The following IL1RAPL1 variants were observed in gnomAD, a reference collection of about 807,000 sequenced individuals.
IL1RAPL1 encodes the protein interleukin-1 receptor accessory protein-like 1.
IL1RAPL1 carries 3 observed loss-of-function variants against 48.4 expected under a neutral mutation model. That is an observed-to-expected ratio of 0.06 (90% confidence interval 0.03 to 0.16). The LOEUF is 0.16. IL1RAPL1 is among the 10% of genes least tolerant of loss of function. IL1RAPL1 has a pLI of 1.00. For synonymous variants in IL1RAPL1, 185 were observed against 187.7 expected (o/e 0.99, Z 0.12); for missense variants, 349 against 530.6 (o/e 0.66, Z 3.36).
At chrX:29,086,187 A>G (rs1209420785) in intron 2 of IL1RAPL1, among the ~76,000 whole-genome samples, 1 of 112,614 alleles carries the variant, frequency 8.9e-6, no homozygotes, top group African/African-American at 3.2e-5. Context: ...ATCAAAGTCT[A>G]GCAACCTATT....
chrX:29,039,651 C>T (rs944134714), intron 2 of IL1RAPL1, among the ~76,000 whole-genome samples: 4 of 109,974 alleles, frequency 3.6e-5, no homozygotes, highest in African/African-American at 3.3e-5. Flanking sequence ...GGAAATCGCC[C>T]ACTCTATCAC....
chrX:29,351,651 G>GTT lies in IL1RAPL1; in HGVS notation c.363-44602_363-44601dup, dbSNP rs200188810. ...GAATGTACATGGTAAGCCTTCTAAT[G>GTT]TTTTTTGTAAGAATGGATTTTGATT... is the stretch of plus-strand genomic sequence containing the variant. On this transcript the variant is annotated intron_variant, in intron 3 of 10. Coordinates refer to ENST00000378993, the MANE Select transcript of IL1RAPL1 (RefSeq NM_014271.4). Among the ~76,000 whole-genome samples, 506 of 112,295 alleles carry GTT rather than the reference G, an allele frequency of 4.5e-3. 3 individuals carry two copies. The highest frequency in any genetic ancestry group is 0.016 in the African/African-American group (487 of 30,947).
At chrX:28,661,749 A>G (rs962518925) in intron 1 of IL1RAPL1, among the ~76,000 whole-genome samples, 1 of 111,950 alleles carries the variant, frequency 8.9e-6, no homozygotes, top group African/African-American at 3.2e-5. Flanking sequence ...CCAGTGGACA[A>G]ATTAGAATAA....
intron 2 of IL1RAPL1, among the ~76,000 whole-genome samples, chrX:28,847,459 A>G (rs756678871): frequency 9.0e-6 from 1 of 111,383 alleles, no homozygotes; most frequent in Non-Finnish European, 1.9e-5. Flanking sequence ...TCTACTTATA[A>G]TGGTCTTTTA....
intron 1 of IL1RAPL1, among the ~76,000 whole-genome samples, chrX:28,734,316 A>T (rs760744714): frequency 9.0e-6 from 1 of 111,247 alleles, no homozygotes; most frequent in Non-Finnish European, 1.9e-5. Flanking sequence ...AGTGTTTACA[A>T]TGGCTTCCAT....
chrX:29,493,063 G>T (rs773567174), intron 5 of IL1RAPL1, among the ~76,000 whole-genome samples: 45 of 111,592 alleles, frequency 4.0e-4, no homozygotes, highest in Non-Finnish European at 8.3e-4. Context: ...TTTTGCACTG[G>T]CATTATTGCA....
intron 1 of IL1RAPL1, among the ~76,000 whole-genome samples, chrX:28,749,653 C>G (rs973013058): frequency 9.0e-6 from 1 of 111,631 alleles, no homozygotes; most frequent in African/African-American, 3.3e-5. Context: ...TGGATATTAA[C>G]TCCTTGCCAG....
intron 2 of IL1RAPL1, among the ~76,000 whole-genome samples, chrX:29,195,688 T>C (rs1465498860): frequency 9.3e-6 from 1 of 108,040 alleles, no homozygotes; most frequent in Non-Finnish European, 1.9e-5. Flanking sequence ...GCCTCCCAAG[T>C]AGCTGGGATT....
rs180696621 is a variant in IL1RAPL1 at position 29,232,303 on chromosome X, C to T, written c.83-50635C>T. On this transcript the variant is annotated intron_variant, in intron 2 of 10. Coordinates refer to ENST00000378993, the MANE Select transcript of IL1RAPL1 (RefSeq NM_014271.4). Reference sequence around the variant, plus strand: ...TGATTTTACCGTAAAATAAAACACACATTATATTTTTAGGGACATAAATAT... The same window carrying T: ...TGATTTTACCGTAAAATAAAACACATATTATATTTTTAGGGACATAAATAT... 2.6e-3 allele frequency among the ~76,000 whole-genome samples: 285 copies of T among 111,585 alleles called. 1 individual carries two copies. The highest frequency in any genetic ancestry group is 8.3e-3 in the African/African-American group (256 of 30,784).
intron 3 of IL1RAPL1, among the ~76,000 whole-genome samples, chrX:29,372,796 T>G (rs1262420661): frequency 2.0e-5 from 2 of 99,891 alleles, no homozygotes; most frequent in African/African-American, 7.7e-5. Context: ...TTTTTTTTTT[T>G]GTACCAATAC....
intron 3 of IL1RAPL1, among the ~76,000 whole-genome samples, chrX:29,319,079 T>A (rs1932781433): frequency 9.0e-6 from 1 of 111,099 alleles, no homozygotes; most frequent in Non-Finnish European, 1.9e-5. Flanking sequence ...ATGTATATTT[T>A]GTATATATTC....
chrX:29,137,258 T>TCACACA (rs113222106), intron 2 of IL1RAPL1, among the ~76,000 whole-genome samples: 2,932 of 100,301 alleles, frequency 0.029, 34 homozygotes, highest in East Asian at 0.039. Flanking sequence ...ACACTTGCGC[T>TCACACA]CACACACACA....
rs1160527555 is a variant in IL1RAPL1 at position 28,830,992 on chromosome X, T to TTCTCTCTCTCTCTC, written c.82+41589_82+41602dup. ...AATTCTCCCAACCTTTGCCCAGGGT[T>TTCTCTCTCTCTCTC]TCTCTCTCTCTCTCTCTCTCTCTCT... On this transcript the variant is annotated intron_variant, in intron 2 of 10. Transcript: ENST00000378993. 8.2e-3 allele frequency among the ~76,000 whole-genome samples: 132 copies of TTCTCTCTCTCTCTC among 16,009 alleles called. 8 individuals carry two copies. Among genetic ancestry groups the TTCTCTCTCTCTCTC allele is most frequent in the East Asian group, 0.013 (7 of 531 alleles). 13.9% of individuals were successfully genotyped at this position (16,009 alleles called of 115,157 possible).
At chrX:29,282,670 A>G (rs1932220684) in intron 2 of IL1RAPL1, among the ~76,000 whole-genome samples, 2 of 112,179 alleles carry the variant, frequency 1.8e-5, no homozygotes, top group Admixed American at 1.9e-4. Context: ...AAGAGGCAAT[A>G]AATCAATAAC....
At chrX:29,003,634 G>A (rs1318548082) in intron 2 of IL1RAPL1, among the ~76,000 whole-genome samples, 2 of 111,708 alleles carry the variant, frequency 1.8e-5, no homozygotes, top group Non-Finnish European at 3.8e-5. Flanking sequence ...ATGTAGATTG[G>A]AACTATGGCA....
chrX:29,562,443 C>T (rs1190145669), intron 5 of IL1RAPL1, among the ~76,000 whole-genome samples: 3 of 110,925 alleles, frequency 2.7e-5, no homozygotes, highest in Non-Finnish European at 5.7e-5. Flanking sequence ...TCTCACTTTA[C>T]AGCATCAGCA....
At chrX:29,655,921 A>G (rs568270172) in intron 5 of IL1RAPL1, among the ~76,000 whole-genome samples, 3 of 111,925 alleles carry the variant, frequency 2.7e-5, no homozygotes, top group African/African-American at 6.5e-5. Flanking sequence ...CCCTATGCAT[A>G]TGCTTACTTG....
chrX:28,716,089 T>A (rs539974588), intron 1 of IL1RAPL1, among the ~76,000 whole-genome samples: 7 of 112,065 alleles, frequency 6.2e-5, no homozygotes, highest in Admixed American at 1.9e-4. Context: ...AAAACACACA[T>A]GATTATCTCA....
At chrX:29,933,313 C>A (rs887537542) in intron 8 of IL1RAPL1, among the ~76,000 whole-genome samples, 1 of 110,944 alleles carries the variant, frequency 9.0e-6, no homozygotes, top group East Asian at 2.8e-4. Flanking sequence ...TGCACATGTA[C>A]CCCAGAACTT....
Sources: gnomAD v4.1 joint callset for allele counts (sites outside exome capture counted in the v4.1 genomes callset) on GRCh38, gnomAD v4.1.1 for gene constraint, MANE v1.5 for transcripts, NCBI Gene and HGNC (gene_info 2026-07-23, HGNC 2026-07-21) for gene names.